Variants in ZDHHC20 observed in about 807,000 individuals in gnomAD.
The protein encoded by ZDHHC20 is palmitoyltransferase ZDHHC20.
In ZDHHC20, 43 loss-of-function variants were observed where a neutral mutation model predicts 57.8. The ratio of observed to expected loss-of-function variants is 0.74; its 90% CI spans 0.58 to 0.96. ZDHHC20 has a LOEUF of 0.96. Among genes scored for constraint, ZDHHC20 ranks in the 40% least tolerant of loss-of-function variants. ZDHHC20 has a pLI of 0.00. For missense variants in ZDHHC20, 391 were observed against 441.1 expected (o/e 0.89, Z 1.02); for synonymous variants, 157 against 153.0 (o/e 1.03, Z -0.19).
At position 21,375,170 on chromosome 13, in the gene ZDHHC20, T is replaced by C; in HGVS notation, c.*1526A>G. On this transcript the variant is annotated 3_prime_UTR_variant, in exon 13 of 13. Coordinates refer to ENST00000400590, the MANE Select transcript of ZDHHC20 (RefSeq NM_001330059.2). ...AAAAATTTATTGGGTGAATGAAAAG[T>C]GATTTTGCAAAATTAGGCATCACAG... The C allele has an allele frequency of 4.4e-6, 2 of 456,474 alleles. No individual in the cohort carries two copies. Among genetic ancestry groups the C allele is most frequent in the Non-Finnish European group, 8.8e-6 (2 of 226,918 alleles). 28.3% of individuals were successfully genotyped at this position (456,474 alleles called of 1,614,324 possible).
At chr13:21,391,686 G>C in intron 8 of ZDHHC20, 36 bp downstream of exon 8, 1 of 1,570,930 alleles carries the variant, frequency 6.4e-7, no homozygotes, top group East Asian at 2.2e-5. Context: ...TATGGTCATT[G>C]TCCTAAGTAA....
rs898346774 is a variant in ZDHHC20, at chr13:21,396,622, C to T, written c.594+3751G>A. On this transcript the variant is annotated intron_variant, in intron 7 of 12. Transcript: ENST00000400590. The stretch of plus-strand genomic sequence containing the variant: ...CCGAGGTGGGTGGATCACCTAAGGT[C>T]AGGAGTTCAAGATCAGTCTGGCCAA... Among the ~76,000 whole-genome samples, 39 of 152,278 alleles carry T rather than the reference C, an allele frequency of 2.6e-4. 1 individual carries two copies. Among genetic ancestry groups the T allele is most frequent in the African/African-American group, 9.1e-4 (38 of 41,560 alleles).
At chr13:21,403,552 TAGAC>T (rs1372138381) in intron 4 of ZDHHC20, among the ~76,000 whole-genome samples, 2 of 152,134 alleles carry the variant, frequency 1.3e-5, no homozygotes, top group African/African-American at 4.8e-5. Context: ...AATAATGTAT[TAGAC>T]AGTGATAATA....
chr13:21,382,933 C>A lies in ZDHHC20; in HGVS notation c.931G>T (p.Glu311Ter), dbSNP rs866768875. Reference protein sequence around the residue: ...PEQASVTNQNEYARSSGSNQP... With the variant: ...PEQASVTNQN ...CAATAAGCATACCTTCTGGCATACT[C>A]ATTCTGGTTTGTAACAGAAGCTTGT... Residue 311 changes from glutamate to a stop codon, truncating the protein, a stop_gained, in exon 10 of 13, where the codon GAG becomes TAG. Coordinates refer to ENST00000400590, the MANE Select transcript of ZDHHC20 (RefSeq NM_001330059.2). LOFTEE classifies it high-confidence loss of function. The A allele has an allele frequency of 6.4e-7, 1 of 1,559,674 alleles. No homozygotes were observed. The highest frequency in any genetic ancestry group is 1.2e-5 in the South Asian group (1 of 84,422).
chr13:21,374,416 G>A lies in ZDHHC20; in HGVS notation c.*2280C>T, dbSNP rs1871701629. 1.1e-5 allele frequency: 5 copies of A among 455,774 alleles called. No homozygotes were observed. Among genetic ancestry groups the A allele is most frequent in the South Asian group, 4.6e-5 (3 of 64,558 alleles). The allele number at this position is 455,774 out of a possible 1,614,324, so 28.2% of individuals were successfully genotyped here. A position where few individuals can be genotyped will look rare whatever the true frequency, so the allele number is the denominator to read the frequency against. ...GTTTTGGGGTTTTTTTGTATTTTTA[G>A]TGGAGACAGGGTTTTGCCATTTTGA... On this transcript the variant is annotated 3_prime_UTR_variant, in exon 13 of 13. Transcript: ENST00000400590.
intron 4 of ZDHHC20, among the ~76,000 whole-genome samples, chr13:21,408,484 G>C (rs1387029410): frequency 6.6e-6 from 1 of 152,232 alleles, no homozygotes; most frequent in Non-Finnish European, 1.5e-5. Flanking sequence ...AGACTTTGCT[G>C]AAGTTGCTTA....
rs1265262581 is a variant in ZDHHC20, at chr13:21,382,966, C to A, written c.898G>T (p.Asp300Tyr). The A allele has an allele frequency of 1.3e-6, 2 of 1,565,614 alleles. No individual in the cohort carries two copies. The highest frequency in any genetic ancestry group is 1.7e-6 in the Non-Finnish European group (2 of 1,154,046). ...TTTGTAACAGAAGCTTGTTCTGGAT[C>A]CATCCCCACAAGGCGAGTTGGAAAA... ...CSFPTRLVGM[D>Y]PEQASVTNQN... The change falls in exon 10 of 13, where the codon GAT (aspartate) becomes TAT (tyrosine). Residue 300 changes from aspartate (D) to tyrosine (Y), a missense_variant. Asp to Tyr is a radical substitution (Grantham distance 160). Transcript: ENST00000400590.
chr13:21,428,872 T>C (rs1389808230), intron 1 of ZDHHC20, among the ~76,000 whole-genome samples: 1 of 151,366 alleles, frequency 6.6e-6, no homozygotes, highest in East Asian at 1.9e-4. Flanking sequence ...CAAAACAAAA[T>C]AAAACAAAAC....
chr13:21,428,094 A>C (rs1050930697), intron 1 of ZDHHC20, among the ~76,000 whole-genome samples: 4 of 152,248 alleles, frequency 2.6e-5, no homozygotes, highest in African/African-American at 9.6e-5. Flanking sequence ...ACACACTCTT[A>C]ATATTTGCTA....
At chr13:21,397,992 T>A (rs949722330) in intron 7 of ZDHHC20, among the ~76,000 whole-genome samples, 3 of 152,206 alleles carry the variant, frequency 2.0e-5, no homozygotes, top group Non-Finnish European at 4.4e-5. Context: ...ATCTACTGAC[T>A]GCTTTCCATG....
At chr13:21,410,471 C>T (rs1009206442) in intron 4 of ZDHHC20, among the ~76,000 whole-genome samples, 1 of 152,200 alleles carries the variant, frequency 6.6e-6, no homozygotes, top group Non-Finnish European at 1.5e-5. Context: ...CTGCCTCTTC[C>T]CCCAGGTGCT....
At chr13:21,408,022 C>G (rs1197506146) in intron 4 of ZDHHC20, among the ~76,000 whole-genome samples, 8 of 152,096 alleles carry the variant, frequency 5.3e-5, no homozygotes, top group Admixed American at 5.2e-4. Context: ...GTTACTGTAG[C>G]CTTGTAGTAT....
intron 3 of ZDHHC20, among the ~76,000 whole-genome samples, chr13:21,417,448 A>ATTG: frequency 6.6e-6 from 1 of 151,976 alleles, no homozygotes; most frequent in East Asian, 1.9e-4. Flanking sequence ...TATTATTATT[A>ATTG]TTATTTTTGA....
At chr13:21,412,654 C>T (rs564600419) in intron 4 of ZDHHC20, among the ~76,000 whole-genome samples, 4 of 151,832 alleles carry the variant, frequency 2.6e-5, no homozygotes, top group African/African-American at 9.7e-5. Context: ...ACCTAGAAGA[C>T]CTACAATCAA....
chr13:21,381,201 T>G (rs1873343532), intron 11 of ZDHHC20, among the ~76,000 whole-genome samples: 1 of 151,950 alleles, frequency 6.6e-6, no homozygotes, highest in Non-Finnish European at 1.5e-5. Flanking sequence ...AGAGACGGGG[T>G]TTCACCGTGT....
chr13:21,378,691 C>G lies in ZDHHC20; in HGVS notation c.*10G>C, dbSNP rs377463307. On this transcript the variant is annotated 3_prime_UTR_variant, in exon 12 of 13. Coordinates refer to ENST00000400590, the MANE Select transcript of ZDHHC20 (RefSeq NM_001330059.2). ...TCTTATTCAAATGGTTAGTTATGAA[C>G]AAGTGGTACTCAATTTTCTATTGCC... The G allele has an allele frequency of 1.4e-6, 2 of 1,454,440 alleles. No individual in the cohort carries two copies. The highest frequency in any genetic ancestry group is 2.6e-5 in the East Asian group (1 of 38,922). 90.1% of individuals were successfully genotyped at this position (1,454,440 alleles called of 1,614,324 possible).
At chr13:21,383,395 C>T (rs1873794583) in intron 9 of ZDHHC20, among the ~76,000 whole-genome samples, 1 of 152,228 alleles carries the variant, frequency 6.6e-6, no homozygotes. Context: ...TGAGTTGCTT[C>T]TCCTTGCCTT....
Position 21,406,050 on chromosome 13 carries a change from T to C in ZDHHC20, c.371-3184A>G, listed in dbSNP as rs141983632. ...GAGTGGTTAAGATTGTGTATTCTGATTGCTGCAGAATGAGGGAAAGGAAAT... is the reference window on the plus strand; with the variant it reads ...GAGTGGTTAAGATTGTGTATTCTGACTGCTGCAGAATGAGGGAAAGGAAAT... On this transcript the variant is annotated intron_variant, in intron 4 of 12. Transcript: ENST00000400590. 3.2e-3 allele frequency among the ~76,000 whole-genome samples: 487 copies of C among 152,314 alleles called. 2 individuals carry two copies. Among genetic ancestry groups the C allele is most frequent in the African/African-American group, 0.011 (474 of 41,572 alleles).
chr13:21,407,317 G>A (rs954096784), intron 4 of ZDHHC20, among the ~76,000 whole-genome samples: 7 of 152,002 alleles, frequency 4.6e-5, no homozygotes, highest in African/African-American at 1.7e-4. Context: ...TTTAATGATC[G>A]CCATTCTAAC....
Sources: gnomAD v4.1 joint callset for allele counts (sites outside exome capture counted in the v4.1 genomes callset) on GRCh38, gnomAD v4.1.1 for gene constraint, MANE v1.5 for transcripts, NCBI Gene and HGNC (gene_info 2026-07-23, HGNC 2026-07-21) for gene names.